The following TENT5D variants were observed in gnomAD, a reference collection of about 807,000 sequenced individuals.
TENT5D encodes terminal nucleotidyltransferase 5D.
For synonymous variants in TENT5D, 103 were observed against 100.6 expected, an observed-to-expected ratio of 1.02 and a Z score of -0.15; for missense variants, 191 against 287.0, an observed-to-expected ratio of 0.67 and a Z score of 2.42.
At chrX:80,395,193 A>G (rs886413338) in intron 3 of TENT5D, among the ~76,000 whole-genome samples, 2 of 112,118 alleles carry the variant, frequency 1.8e-5, no homozygotes, top group African/African-American at 6.5e-5. Context: ...GCAAATGACA[A>G]GTTTCATTTG....
rs569407065 is a variant in TENT5D at position 80,420,834 on chromosome X, C to T, written c.-142+271C>T. Among the ~76,000 whole-genome samples, 25 of 111,599 alleles carry T rather than the reference C, an allele frequency of 2.2e-4. 1 individual carries two copies. In the South Asian group the frequency reaches 6.4e-3, roughly 28 times the overall value. On this transcript the variant is annotated intron_variant, in intron 1 of 2. Coordinates refer to ENST00000308293, the Ensembl canonical transcript of TENT5D. ...TAAGAGATAAAAGACATAACTGATA[C>T]GTTGATATAGTATTAAGAATTATGT...
intron 3 of TENT5D, among the ~76,000 whole-genome samples, chrX:80,344,198 G>A (rs193005775): frequency 1.8e-5 from 2 of 110,220 alleles, no homozygotes; most frequent in East Asian, 2.8e-4. Context: ...CTAGTCCGCC[G>A]TTGATGGGTA....
chrX:80,436,111 A>T (rs1024488691), intron 1 of TENT5D, among the ~76,000 whole-genome samples: 7 of 111,182 alleles, frequency 6.3e-5, no homozygotes, highest in Non-Finnish European at 1.3e-4. Context: ...TATTCTGTGG[A>T]ATAATATCTC....
At chrX:80,391,600 G>T (rs996770163) in intron 3 of TENT5D, among the ~76,000 whole-genome samples, 5 of 111,717 alleles carry the variant, frequency 4.5e-5, no homozygotes, top group Admixed American at 9.5e-5. Context: ...TAAATGATAT[G>T]GGAATCTGCT....
chrX:80,336,305 T>C (rs1183564487), intron 2 of TENT5D, among the ~76,000 whole-genome samples: 5 of 110,846 alleles, frequency 4.5e-5, no homozygotes, highest in African/African-American at 1.6e-4. Flanking sequence ...TTTTACTCTT[T>C]AGTGTTAATG....
chrX:80,348,213 C>T (rs746696148), intron 3 of TENT5D, among the ~76,000 whole-genome samples: 23 of 111,828 alleles, frequency 2.1e-4, no homozygotes, highest in Admixed American at 2.0e-3. Context: ...GAAAGTCAAT[C>T]GTAGCTTGAT....
intron 3 of TENT5D, among the ~76,000 whole-genome samples, chrX:80,411,145 G>A (rs1162571325): frequency 1.9e-5 from 2 of 104,823 alleles, no homozygotes; most frequent in Non-Finnish European, 3.9e-5. Context: ...CCTAATGCTG[G>A]ATGACGAGTT....
chrX:80,358,883 G>C (rs1190523894), intron 3 of TENT5D, among the ~76,000 whole-genome samples: 1 of 111,844 alleles, frequency 8.9e-6, no homozygotes, highest in African/African-American at 3.2e-5. Context: ...GAACGTTTAA[G>C]GTTTCATGAA....
At chrX:80,420,357 A>G (rs1173508303), upstream of TENT5D, 1 of 110,018 alleles carries the variant, frequency 9.1e-6, no homozygotes, top group Admixed American at 9.9e-5. Context: ...CCCTATTTAA[A>G]TTTATTTTTT....
chrX:80,358,334 G>C, intron 3 of TENT5D, among the ~76,000 whole-genome samples: 1 of 111,518 alleles, frequency 9.0e-6, no homozygotes, highest in Non-Finnish European at 1.9e-5. Flanking sequence ...TTAAACTAAA[G>C]AGCTTCTGCA....
At chrX:80,397,991 T>A (rs975921109) in intron 3 of TENT5D, among the ~76,000 whole-genome samples, 1 of 111,252 alleles carries the variant, frequency 9.0e-6, no homozygotes, top group African/African-American at 3.3e-5. Context: ...GAGGGAGCTA[T>A]ACTGTTTTTC....
At chrX:80,336,615 A>G (rs1455209138) in intron 2 of TENT5D, among the ~76,000 whole-genome samples, 1 of 110,073 alleles carries the variant, frequency 9.1e-6, no homozygotes, top group Non-Finnish European at 1.9e-5. Context: ...ATTAAAAAAA[A>G]AGATTTTCCC....
intron 3 of TENT5D, among the ~76,000 whole-genome samples, chrX:80,381,227 T>C (rs1164590932): frequency 8.9e-6 from 1 of 111,821 alleles, no homozygotes; most frequent in East Asian, 2.8e-4. Context: ...AAGCTTAGTT[T>C]GGCTGGATAT....
intron 3 of TENT5D, among the ~76,000 whole-genome samples, chrX:80,364,655 T>C (rs910015007): frequency 1.0e-4 from 11 of 109,696 alleles, no homozygotes; most frequent in Admixed American, 2.0e-4. Flanking sequence ...TTTATTAATA[T>C]TTTGTTTGAA....
At chrX:80,367,003 A>C (rs1930523927) in intron 3 of TENT5D, among the ~76,000 whole-genome samples, 2 of 111,576 alleles carry the variant, frequency 1.8e-5, no homozygotes, top group African/African-American at 6.5e-5. Flanking sequence ...GGACTTTCAG[A>C]ATGTAAGTAA....
In TENT5D at chrX:80,336,177, G is replaced by C. The variant is rs145942951; in HGVS notation, c.-207+461G>C. On this transcript the variant is annotated intron_variant, in intron 2 of 4. Transcript: ENST00000538312. Reference sequence around the variant, plus strand: ...TCTTACTAAGGAATTTAACAAGTTTGACGAATTTTTTTCCCATCTTTAGTG... The same window carrying C: ...TCTTACTAAGGAATTTAACAAGTTTCACGAATTTTTTTCCCATCTTTAGTG... 1.6e-3 allele frequency among the ~76,000 whole-genome samples: 182 copies of C among 111,217 alleles called. 4 individuals carry two copies. The East Asian group carries it at 0.035, about 21-fold the overall frequency.
intron 3 of TENT5D, among the ~76,000 whole-genome samples, chrX:80,372,758 G>T (rs761910297): frequency 9.2e-6 from 1 of 109,061 alleles, no homozygotes; most frequent in Non-Finnish European, 1.9e-5. Flanking sequence ...GTGGTGGCAC[G>T]CACCTGTAAT....
At chrX:80,371,156 A>C (rs1041941669) in intron 3 of TENT5D, among the ~76,000 whole-genome samples, 1 of 111,918 alleles carries the variant, frequency 8.9e-6, no homozygotes, top group African/African-American at 3.2e-5. Flanking sequence ...CTAGACTGGC[A>C]GTGTCAGCAT....
chrX:80,393,224 A>G (rs1265195488), intron 3 of TENT5D, among the ~76,000 whole-genome samples: 1 of 111,116 alleles, frequency 9.0e-6, no homozygotes, highest in Non-Finnish European at 1.9e-5. Flanking sequence ...TTTGAAAATT[A>G]TTGTCCATCA....
Sources: allele counts gnomAD v4.1 joint callset (sites outside exome capture counted in the v4.1 genomes callset), GRCh38; gene constraint gnomAD v4.1.1; transcripts MANE v1.5; gene names NCBI Gene and HGNC (gene_info 2026-07-23, HGNC 2026-07-21).